WHRN: variants seen among roughly 807,000 people sequenced by gnomAD.
WHRN encodes the protein CASK-interacting protein CIP98.
Under a neutral mutation model 68.3 loss-of-function variants are expected in WHRN, and 41 were observed. That is an observed-to-expected ratio of 0.60 (90% CI 0.47 to 0.78). The LOEUF (loss-of-function observed/expected upper bound fraction) is 0.78, where lower values mean the gene tolerates loss of function less well. Among genes scored for constraint, WHRN ranks in the 30% least tolerant of loss-of-function variants. The pLI is 0.00. For missense variants in WHRN, 1,243 were observed against 1,244.7 expected (o/e 1.00, Z 0.02); for synonymous variants, 560 against 561.3 (o/e 1.00, Z 0.03).
intron 2 of WHRN, among the ~76,000 whole-genome samples, chr9:114,476,232 A>G (rs983963578): frequency 3.3e-5 from 5 of 152,150 alleles, no homozygotes; most frequent in African/African-American, 1.2e-4. Flanking sequence ...CCTCCCAAAG[A>G]GCTGGGATTA....
intron 7 of WHRN, among the ~76,000 whole-genome samples, chr9:114,419,444 G>A (rs777000110): frequency 1.3e-5 from 2 of 152,324 alleles, no homozygotes; most frequent in Middle Eastern, 3.4e-3. Flanking sequence ...ACGTGCGATC[G>A]CTGCCCTCAA....
intron 3 of WHRN, among the ~76,000 whole-genome samples, chr9:114,438,303 C>T (rs1838042974): frequency 1.3e-5 from 2 of 152,076 alleles, no homozygotes; most frequent in South Asian, 4.1e-4. Flanking sequence ...AATAAAGCTA[C>T]ATCAAGGTAC....
Position 114,406,899 on chromosome 9 carries a change from A to G in WHRN, c.1699-7T>C, listed in dbSNP as rs536903076. On this transcript the variant is annotated splice_polypyrimidine_tract_variant and splice_region_variant and intron_variant, in intron 8 of 11. Transcript: ENST00000362057. ...AGGTGGATCTGACATCATCCTGCCA[A>G]AAGACCCAACAGGCGGAGAAGGAGT... The G allele has an allele frequency of 8.9e-6, 14 of 1,566,444 alleles. No homozygotes were observed. The East Asian group carries it at 3.1e-4, about 35-fold the overall frequency.
chr9:114,420,894 C>T (rs1421327544), intron 7 of WHRN, among the ~76,000 whole-genome samples: 1 of 152,056 alleles, frequency 6.6e-6, no homozygotes, highest in Non-Finnish European at 1.5e-5. Context: ...TGTCCCTCTG[C>T]AAAAGAGGAA....
chr9:114,466,571 C>T (rs1840716009), intron 2 of WHRN, among the ~76,000 whole-genome samples, 179 bp from the exon 3 acceptor site: 2 of 152,220 alleles, frequency 1.3e-5, no homozygotes. Context: ...AGCTCTGCCT[C>T]TGACTTGATG....
chr9:114,497,039 T>C (rs1475037446), intron 1 of WHRN, among the ~76,000 whole-genome samples: 2 of 152,212 alleles, frequency 1.3e-5, no homozygotes, highest in Admixed American at 1.3e-4. Flanking sequence ...GCTGGGGAGT[T>C]TGTTAATTCC....
chr9:114,465,917 T>C lies in WHRN; in HGVS notation c.963+350A>G, dbSNP rs1343427663. On this transcript the variant is annotated intron_variant, in intron 3 of 11. Transcript: ENST00000362057. ...ATAACTGCTGGTTGTCTGGATTGAATGCCAGGCCTGAAGCTGCCCAGGGCA... is the reference window on the plus strand; with the variant it reads ...ATAACTGCTGGTTGTCTGGATTGAACGCCAGGCCTGAAGCTGCCCAGGGCA... Among the ~76,000 whole-genome samples, 7 of 152,326 alleles carry C rather than the reference T, an allele frequency of 4.6e-5. No homozygotes were observed. In the East Asian group the frequency reaches 1.4e-3, roughly 29 times the overall value.
intron 1 of WHRN, among the ~76,000 whole-genome samples, chr9:114,480,550 G>T (rs1370456653): frequency 6.6e-6 from 1 of 152,086 alleles, no homozygotes; most frequent in African/African-American, 2.4e-5. Flanking sequence ...GTCTGAAAGT[G>T]GGCCCTCACC....
intron 3 of WHRN, among the ~76,000 whole-genome samples, chr9:114,446,619 T>C (rs1046099405): frequency 6.6e-6 from 1 of 152,164 alleles, no homozygotes; most frequent in Non-Finnish European, 1.5e-5. Flanking sequence ...AACTTATTAC[T>C]TTAGTAGCTG....
intron 2 of WHRN, among the ~76,000 whole-genome samples, chr9:114,469,337 C>T (rs1040616949): frequency 1.3e-5 from 2 of 152,188 alleles, no homozygotes; most frequent in African/African-American, 2.4e-5. Flanking sequence ...CTGTGCTAGG[C>T]CTTGTGCTGG....
chr9:114,409,963 G>C (rs1490276521), intron 7 of WHRN, among the ~76,000 whole-genome samples: 2 of 151,998 alleles, frequency 1.3e-5, no homozygotes, highest in Non-Finnish European at 2.9e-5. Flanking sequence ...TCAGTTGGAG[G>C]AAGTTCCAAA....
intron 1 of WHRN, among the ~76,000 whole-genome samples, chr9:114,498,429 A>G (rs1843642658): frequency 6.6e-6 from 1 of 152,190 alleles, no homozygotes; most frequent in Non-Finnish European, 1.5e-5. Flanking sequence ...ACCTGTGGCC[A>G]CGGATGGGTC....
chr9:114,428,923 A>G (rs1175847210), intron 3 of WHRN, among the ~76,000 whole-genome samples: 2 of 101,288 alleles, frequency 2.0e-5, no homozygotes, highest in African/African-American at 7.4e-5. Context: ...ATAGTACCAG[A>G]TTAATTTCTT....
chr9:114,403,471 G>A (rs1203719117), intron 10 of WHRN, 132 bp from the exon 11 acceptor site: 4 of 1,211,388 alleles, frequency 3.3e-6, no homozygotes, highest in South Asian at 2.5e-5. Context: ...AGCCTCAGGT[G>A]TGCAACGCAC....
rs745595555 is a variant in WHRN at position 114,504,751 on chromosome 9, C to T, written c.51G>A (p.Ser17=). 1 of 1,506,240 alleles carries T rather than the reference C, an allele frequency of 6.6e-7. No homozygotes were observed. The highest frequency in any genetic ancestry group is 8.8e-7 in the Non-Finnish European group (1 of 1,137,132). The allele number at this position is 1,506,240 out of a possible 1,614,324, so 93.3% of individuals were successfully genotyped here. Residue 17 remains serine, a synonymous_variant, in exon 1 of 12, where the codon TCG becomes TCA. Coordinates refer to ENST00000362057, the MANE Select transcript of WHRN (RefSeq NM_015404.4). ...CGCCCGCCCCGGCCGCCGAGCCCAG[C>T]GAGCCGGTGGAGGACGAGCTCACCG... ...GLSVSSSSTG[S]LGSAAGAGGG...
At chr9:114,468,579 A>G (rs1564191921) in intron 2 of WHRN, among the ~76,000 whole-genome samples, 1 of 152,080 alleles carries the variant, frequency 6.6e-6, no homozygotes, top group East Asian at 1.9e-4. Context: ...CCCATGTGGG[A>G]TGGTGCCAGG....
intron 3 of WHRN, among the ~76,000 whole-genome samples, chr9:114,458,529 C>T (rs1179344833): frequency 6.6e-6 from 1 of 152,118 alleles, no homozygotes; most frequent in Non-Finnish European, 1.5e-5. Flanking sequence ...CCTGAGCATG[C>T]TTGTGTTTTC....
Position 114,478,325 on chromosome 9 carries a change from G to A in WHRN, c.837+228C>T, listed in dbSNP as rs1206553818. On this transcript the variant is annotated intron_variant, in intron 2 of 11. Coordinates refer to ENST00000362057, the MANE Select transcript of WHRN (RefSeq NM_015404.4). ...TAAGCCAATCAATAAATAAATCACA[G>A]TATTTAAGCTCTTTTATTGTGGCAG... 4.2e-6 allele frequency: 3 copies of A among 713,046 alleles called. No individual in the cohort carries two copies. The East Asian group carries it at 8.0e-5, about 19-fold the overall frequency. 44.2% of individuals were successfully genotyped at this position (713,046 alleles called of 1,614,324 possible).
chr9:114,408,069 C>T, intron 7 of WHRN, 51 bp from the exon 8 acceptor site: 2 of 1,493,158 alleles, frequency 1.3e-6, no homozygotes, highest in South Asian at 1.2e-5. Flanking sequence ...GAGAAGGGAA[C>T]ACTGGTTTGT....
Sources: gnomAD v4.1 joint callset for allele counts (sites outside exome capture counted in the v4.1 genomes callset) on GRCh38, gnomAD v4.1.1 for gene constraint, MANE v1.5 for transcripts, NCBI Gene and HGNC (gene_info 2026-07-23, HGNC 2026-07-21) for gene names.